ZNF284: variants seen among roughly 807,000 people sequenced by gnomAD.
The protein encoded by ZNF284 is zinc finger protein 284.
ZNF284 carries 12 observed loss-of-function variants against 12.9 expected under a neutral mutation model. The observed-to-expected ratio is 0.93, with a 90% CI of 0.60 to 1.51. The LOEUF (loss-of-function observed/expected upper bound fraction) is 1.51, where lower values mean the gene tolerates loss of function less well. Ranked by LOEUF, ZNF284 falls within the 40% of genes most tolerant of loss-of-function variation. ZNF284 has a pLI of 0.00. For missense variants in ZNF284, 667 were observed against 707.3 expected (o/e 0.94, Z 0.65); for synonymous variants, 225 against 236.5 (o/e 0.95, Z 0.45).
chr19:44,079,892 C>T (rs1427306305), intron 2 of ZNF284, among the ~76,000 whole-genome samples: 1 of 151,988 alleles, frequency 6.6e-6, no homozygotes, highest in Non-Finnish European at 1.5e-5. Context: ...TGCGCCATTG[C>T]ACTCCAGCCT....
intron 2 of ZNF284, 129 bp from the exon 3 acceptor site, chr19:44,080,886 C>G (rs1197703870): frequency 8.3e-7 from 1 of 1,211,998 alleles, no homozygotes; most frequent in Non-Finnish European, 1.1e-6. Context: ...AATGGGAAAT[C>G]TGTATGTTGA....
At chr19:44,077,984 A>G (rs1382803975) in intron 2 of ZNF284, among the ~76,000 whole-genome samples, 1 of 152,200 alleles carries the variant, frequency 6.6e-6, no homozygotes, top group Non-Finnish European at 1.5e-5. Flanking sequence ...TACACTCACT[A>G]TAGAAAATCT....
Position 44,086,227 on chromosome 19 carries a change from G to A in ZNF284, c.749G>A (p.Cys250Tyr), listed in dbSNP as rs200659383. The A allele has an allele frequency of 6.3e-4, 1,014 of 1,614,182 alleles. 6 individuals carry two copies. The highest frequency in any genetic ancestry group is 4.3e-3 in the Middle Eastern group (26 of 6,062). The change falls in exon 5 of 5, where the codon TGC becomes TAC. Residue 250 changes from cysteine (C) to tyrosine (Y), a missense_variant. Cys to Tyr is a radical substitution (Grantham distance 194). Transcript: ENST00000421176. ...FSRRSGMYVH[C>Y]KLHTGEKPHI... Reference sequence around the variant, plus strand: ...CGTAGATCAGGAATGTATGTTCATTGCAAATTACACACAGGAGAAAAACCT... The same window carrying A: ...CGTAGATCAGGAATGTATGTTCATTACAAATTACACACAGGAGAAAAACCT...
At position 44,086,784 on chromosome 19, in the gene ZNF284, T is replaced by C. The variant is rs1370154629; in HGVS notation, c.1306T>C (p.Tyr436His). 1 of 1,614,176 alleles carries C rather than the reference T, an allele frequency of 6.2e-7. No homozygotes were observed. The highest frequency in any genetic ancestry group is 2.2e-5 in the East Asian group (1 of 44,884). Residue 436 changes from tyrosine (Y) to histidine (H), a missense_variant, in exon 5 of 5, where the codon TAC (tyrosine) becomes CAC (histidine). By Grantham distance (83) the Tyr-to-His change is moderately conservative (BLOSUM62 2). Transcript: ENST00000421176. ...LYKCQKCGKG[Y>H]ISKFNLDLHQ... Reference sequence around the variant, plus strand: ...TAAATGTCAGAAGTGTGGGAAGGGCTACATTAGTAAGTTTAATCTTGACTT... The same window carrying C: ...TAAATGTCAGAAGTGTGGGAAGGGCCACATTAGTAAGTTTAATCTTGACTT...
chr19:44,075,335 A>T (rs1006325209), intron 1 of ZNF284, among the ~76,000 whole-genome samples: 1 of 152,222 alleles, frequency 6.6e-6, no homozygotes, highest in Non-Finnish European at 1.5e-5. Context: ...TGAAGAGTAT[A>T]GGCAAGTTGT....
chr19:44,083,450 AATATAT>A (rs1290254473), intron 4 of ZNF284, among the ~76,000 whole-genome samples: 942 of 60,372 alleles, frequency 0.016, 47 homozygotes, highest in African/African-American at 0.045. Context: ...TAAATAAAGA[AATATAT>A]ATATATATAT....
Position 44,083,510 on chromosome 19 carries a change from A to T in ZNF284, c.235+1405A>T, listed in dbSNP as rs1270134092. On this transcript the variant is annotated intron_variant, in intron 4 of 4. Coordinates refer to ENST00000421176, the MANE Select transcript of ZNF284 (RefSeq NM_001037813.4). ...AGAGAGAGAGAGAGAGAGGGAATGG[A>T]ATACCATCCTATCTTTACCCTTCTG... Among the ~76,000 whole-genome samples, 11 of 106,722 alleles carry T rather than the reference A, an allele frequency of 1.0e-4. 1 individual carries two copies. The highest frequency in any genetic ancestry group is 1.9e-4 in the Non-Finnish European group (9 of 46,988). The allele number at this position is 106,722 out of a possible 152,430, so 70.0% of individuals were successfully genotyped here. A position where few individuals can be genotyped will look rare whatever the true frequency, so the allele number is the denominator to read the frequency against.
At chr19:44,077,672 C>G (rs1967054047) in intron 2 of ZNF284, among the ~76,000 whole-genome samples, 1 of 150,302 alleles carries the variant, frequency 6.7e-6, no homozygotes, top group African/African-American at 2.4e-5. Context: ...TGATGCAGTT[C>G]TCAGCCTCAT....
chr19:44,085,118 T>A (rs1438671680), intron 4 of ZNF284: 3 of 152,292 alleles, frequency 2.0e-5, no homozygotes, highest in African/African-American at 7.2e-5. Context: ...GTGCTTCGGG[T>A]GTTTCCTGTC....
chr19:44,072,356 T>C (rs1966958514), intron 1 of ZNF284, 65 bp downstream of exon 1: 1 of 152,226 alleles, frequency 6.6e-6, no homozygotes, highest in African/African-American at 2.4e-5. Context: ...CTTGGGGCTG[T>C]CCTCGCGTCC....
Position 44,082,098 on chromosome 19 carries a change from G to T in ZNF284, c.228G>T (p.Gly76=), listed in dbSNP as rs538798803. The T allele has an allele frequency of 1.2e-6, 2 of 1,612,858 alleles. No homozygotes were observed. The highest frequency in any genetic ancestry group is 4.5e-5 in the East Asian group (2 of 44,804). Residue 76 remains glycine (G), a synonymous_variant, in exon 4 of 5, where the codon GGG becomes GGT. Coordinates refer to ENST00000421176, the MANE Select transcript of ZNF284 (RefSeq NM_001037813.4). ...TGGAGACAGCAACCCAAAGAGAAGGGAATTCAGGTAAGAACCAAGCAACGA... is the reference window on the plus strand; with the variant it reads ...TGGAGACAGCAACCCAAAGAGAAGGTAATTCAGGTAAGAACCAAGCAACGA... ...WIMETATQRE[G]NSGGKIQTEL...
At chr19:44,077,535 C>CTTTTTTTTTTTTTTT (rs763788955) in intron 2 of ZNF284, among the ~76,000 whole-genome samples, 2 of 76,236 alleles carry the variant, frequency 2.6e-5, no homozygotes, top group Admixed American at 1.2e-4. Flanking sequence ...ATTTTTCTGT[C>CTTTTTTTTTTTTTTT]TTTTTTTTTT....
At chr19:44,078,675 G>A (rs1967071142) in intron 2 of ZNF284, among the ~76,000 whole-genome samples, 1 of 152,122 alleles carries the variant, frequency 6.6e-6, no homozygotes, top group African/African-American at 2.4e-5. Flanking sequence ...GCCTGGTCTG[G>A]TCTTGAACTC....
Position 44,081,715 on chromosome 19 carries a change from A to AC in ZNF284, c.143-298_143-297insC, listed in dbSNP as rs1555773038. On this transcript the variant is annotated intron_variant, in intron 3 of 4. Transcript: ENST00000421176. Reference sequence around the variant, plus strand: ...CGACAGAGCGAGACTCCGTCTCAAAAAAAAACAAAAACAAAAACAAAAACA... The same window carrying AC: ...CGACAGAGCGAGACTCCGTCTCAAAACAAAAACAAAAACAAAAACAAAAACA... Among the ~76,000 whole-genome samples the AC allele has an allele frequency of 3.5e-3, 532 of 152,230 alleles. 5 individuals are homozygous for AC. In the South Asian group the frequency reaches 0.057, roughly 16 times the overall value.
rs766010686 is a variant in ZNF284 at position 44,087,256 on chromosome 19, T to C, written c.1778T>C (p.Ile593Thr). 6.5e-7 allele frequency: 1 copy of C among 1,527,194 alleles called. No homozygotes were observed. 94.6% of individuals were successfully genotyped at this position (1,527,194 alleles called of 1,614,324 possible). A position where few individuals can be genotyped will look rare whatever the true frequency, so the allele number is the denominator to read the frequency against. ...ATTTTATCATTATTTTTAAATGATA[T>C]ATAATTATTGTCCATATTTATGGGT... ...DMILSLFLND[I>T] The change falls in exon 5 of 5, where the codon ATA becomes ACA. Residue 593 changes from isoleucine (I) to threonine (T), a missense_variant. By Grantham distance (89) the Ile-to-Thr change is moderately conservative (BLOSUM62 -1). Coordinates refer to ENST00000421176, the MANE Select transcript of ZNF284 (RefSeq NM_001037813.4).
chr19:44,086,886 A>G lies in ZNF284; in HGVS notation c.1408A>G (p.Ile470Val). ...CGKSFRWASG[I>V]LRHKRLHTGE... Reference sequence around the variant, plus strand: ...AAAGAGCTTCAGGTGGGCCTCAGGTATTTTGAGACATAAGAGACTCCATAC... The same window carrying G: ...AAAGAGCTTCAGGTGGGCCTCAGGTGTTTTGAGACATAAGAGACTCCATAC... The change falls in exon 5 of 5, where the codon ATT (isoleucine) becomes GTT (valine). Residue 470 changes from isoleucine (I) to valine (V), a missense_variant. Ile to Val is a conservative substitution (Grantham distance 29). Coordinates refer to ENST00000421176, the MANE Select transcript of ZNF284 (RefSeq NM_001037813.4). 1 of 1,613,930 alleles carries G rather than the reference A, an allele frequency of 6.2e-7. No individual in the cohort carries two copies. The highest frequency in any genetic ancestry group is 1.1e-5 in the South Asian group (1 of 91,054).
chr19:44,086,758 A>G lies in ZNF284; in HGVS notation c.1280A>G (p.Tyr427Cys), dbSNP rs1452584485. 6.2e-7 allele frequency: 1 copy of G among 1,614,166 alleles called. No individual in the cohort carries two copies. Among genetic ancestry groups the G allele is most frequent in the Non-Finnish European group, 8.5e-7 (1 of 1,180,002 alleles). ...AGAGCCTATAGAGAAGAAGAACTGTATAAATGTCAGAAGTGTGGGAAGGGC... is the reference window on the plus strand; with the variant it reads ...AGAGCCTATAGAGAAGAAGAACTGTGTAAATGTCAGAAGTGTGGGAAGGGC... ...HQRAYREEEL[Y>C]KCQKCGKGYI... The change falls in exon 5 of 5, where the codon TAT becomes TGT. Residue 427 changes from tyrosine (Y) to cysteine (C), a missense_variant. Tyr to Cys is a radical substitution (Grantham distance 194). Transcript: ENST00000421176.
intron 4 of ZNF284, among the ~76,000 whole-genome samples, chr19:44,084,911 A>G (rs544721925): frequency 1.3e-5 from 2 of 152,188 alleles, no homozygotes; most frequent in East Asian, 1.9e-4. Context: ...GTGCCATTGC[A>G]TGGACTCCAG....
intron 4 of ZNF284, among the ~76,000 whole-genome samples, chr19:44,083,609 G>C (rs1422370804): frequency 1.3e-5 from 2 of 151,250 alleles, no homozygotes; most frequent in Non-Finnish European, 3.0e-5. Context: ...AATGTCTTAA[G>C]AGGAGGACTT....
Sources: allele counts gnomAD v4.1 joint callset (sites outside exome capture counted in the v4.1 genomes callset), GRCh38; gene constraint gnomAD v4.1.1; transcripts MANE v1.5; gene names NCBI Gene and HGNC (gene_info 2026-07-23, HGNC 2026-07-21).